The following SMURF1 variants were observed in gnomAD, a reference collection of about 807,000 sequenced individuals.
SMURF1 encodes E3 ubiquitin-protein ligase SMURF1.
In SMURF1, 44 loss-of-function variants were observed where a neutral mutation model predicts 98.0. The ratio of observed to expected loss-of-function variants is 0.45; its 90% CI spans 0.35 to 0.58. SMURF1 has a LOEUF of 0.58. Among genes scored for constraint, SMURF1 ranks in the 20% least tolerant of loss-of-function variants. The pLI, the probability that SMURF1 is intolerant of heterozygous loss-of-function variation, is 0.00. For synonymous variants in SMURF1, 396 were observed against 374.9 expected (o/e 1.06, Z -0.65); for missense variants, 687 against 938.4 (o/e 0.73, Z 3.50).
intron 10 of SMURF1, 106 bp downstream of exon 10, chr7:99,047,578 G>T: frequency 8.5e-7 from 1 of 1,170,986 alleles, no homozygotes; most frequent in South Asian, 1.4e-5. Flanking sequence ...CCACAAAGCA[G>T]TTCATTTAAA....
intron 16 of SMURF1, among the ~76,000 whole-genome samples, chr7:99,035,100 C>T (rs550411825): frequency 5.4e-4 from 83 of 152,344 alleles, no homozygotes; most frequent in African/African-American, 1.7e-3. Flanking sequence ...CATCATCTTT[C>T]GGTGTGGTTG....
At chr7:99,057,130 G>T in intron 5 of SMURF1, 75 bp downstream of exon 5, 1 of 1,523,326 alleles carries the variant, frequency 6.6e-7, no homozygotes, top group Non-Finnish European at 9.1e-7. Flanking sequence ...GTGCCTGTAT[G>T]TGAGTTCTCG....
intron 3 of SMURF1, 119 bp downstream of exon 3, chr7:99,060,480 C>T (rs1003172073): frequency 1.7e-6 from 1 of 582,736 alleles, no homozygotes; most frequent in Non-Finnish European, 2.9e-6. Flanking sequence ...TTTGGCCATC[C>T]GCTTTTGTTA....
intron 1 of SMURF1, among the ~76,000 whole-genome samples, chr7:99,083,181 A>ACT (rs1316037738): frequency 2.0e-5 from 3 of 152,150 alleles, no homozygotes; most frequent in African/African-American, 7.2e-5. Flanking sequence ...AAAACCACAG[A>ACT]ATGGTACATT....
intron 1 of SMURF1, among the ~76,000 whole-genome samples, chr7:99,123,761 G>A (rs1797692342): frequency 6.6e-6 from 1 of 152,020 alleles, no homozygotes; most frequent in Admixed American, 6.6e-5. Context: ...TTAATCTAGA[G>A]ACAAAAAGGA....
intron 1 of SMURF1, among the ~76,000 whole-genome samples, chr7:99,076,033 T>A (rs1207007949): frequency 6.6e-6 from 1 of 152,232 alleles, no homozygotes; most frequent in Non-Finnish European, 1.5e-5. Flanking sequence ...CCCAGTCACC[T>A]TCTTCATGTG....
chr7:99,108,347 C>T (rs1288062289), intron 1 of SMURF1, among the ~76,000 whole-genome samples: 1 of 151,596 alleles, frequency 6.6e-6, no homozygotes, highest in African/African-American at 2.4e-5. Context: ...TGGTGGCTCA[C>T]GCTTGTAATC....
chr7:99,100,383 C>T (rs1395248543), intron 1 of SMURF1, among the ~76,000 whole-genome samples: 1 of 152,052 alleles, frequency 6.6e-6, no homozygotes, highest in Admixed American at 6.5e-5. Context: ...GGTGAAACCC[C>T]GTCTCTATTA....
intron 13 of SMURF1, among the ~76,000 whole-genome samples, chr7:99,039,093 T>TGAGGCAG (rs1795267356): frequency 1.4e-5 from 2 of 146,870 alleles, no homozygotes; most frequent in Non-Finnish European, 3.0e-5. Flanking sequence ...CTCAGGAAGC[T>TGAGGCAG]GAGGCAGGAG....
chr7:99,100,631 T>C (rs1304126558), intron 1 of SMURF1, among the ~76,000 whole-genome samples: 2 of 152,184 alleles, frequency 1.3e-5, no homozygotes, highest in Non-Finnish European at 2.9e-5. Flanking sequence ...GAAATATATA[T>C]CCAGCTTTCC....
intron 1 of SMURF1, among the ~76,000 whole-genome samples, chr7:99,079,486 TGAAA>T (rs1019414463): frequency 8.5e-5 from 13 of 152,200 alleles, no homozygotes; most frequent in Admixed American, 3.3e-4. Flanking sequence ...AGTCACCTCA[TGAAA>T]GAAAGAAAGA....
chr7:99,073,656 C>T (rs1796386549), intron 1 of SMURF1, among the ~76,000 whole-genome samples: 1 of 151,752 alleles, frequency 6.6e-6, no homozygotes, highest in Non-Finnish European at 1.5e-5. Flanking sequence ...ATCCCAGCTA[C>T]TTGGGAGGCT....
chr7:99,052,039 TC>T (rs1002475241), intron 7 of SMURF1, among the ~76,000 whole-genome samples, 165 bp downstream of exon 7: 7 of 151,892 alleles, frequency 4.6e-5, no homozygotes, highest in African/African-American at 1.7e-4. Flanking sequence ...GCCCAGCTAC[TC>T]GCGAGGATCG....
chr7:99,045,775 C>T lies in SMURF1; in HGVS notation c.1179G>A (p.Met393Ile), dbSNP rs778907175. The T allele has an allele frequency of 1.1e-5, 17 of 1,614,150 alleles. No homozygotes were observed. The highest frequency in any genetic ancestry group is 1.4e-5 in the Non-Finnish European group (17 of 1,179,966). ...FEESYRQIMK[M>I]RPKDLKKRLM... ...GCCGTTTTTTCAAGTCTTTCGGTCG[C>T]ATCTTCATTATCTGGCGGTAAGACT... Residue 393 changes from methionine to isoleucine, a missense_variant, in exon 11 of 18, where the codon ATG (methionine) becomes ATA (isoleucine). This residue lies in a region of SMURF1 where 415 missense variants were observed against 508.4 expected (regional missense o/e 0.82). Coordinates refer to ENST00000361368, the MANE Select transcript of SMURF1 (RefSeq NM_181349.3).
At chr7:99,117,405 A>G (rs1432354135) in intron 1 of SMURF1, among the ~76,000 whole-genome samples, 1 of 152,044 alleles carries the variant, frequency 6.6e-6, no homozygotes, top group Non-Finnish European at 1.5e-5. Context: ...CTTCAGTACG[A>G]TAGCATGATC....
At chr7:99,059,022 T>C (rs1254264599) in intron 3 of SMURF1, among the ~76,000 whole-genome samples, 1 of 152,104 alleles carries the variant, frequency 6.6e-6, no homozygotes, top group African/African-American at 2.4e-5. Flanking sequence ...AGGAGGAGGT[T>C]GCGGTGAGCC....
At chr7:99,090,308 TCAAA>T (rs982794499) in intron 1 of SMURF1, among the ~76,000 whole-genome samples, 14 of 152,246 alleles carry the variant, frequency 9.2e-5, no homozygotes, top group African/African-American at 2.6e-4. Flanking sequence ...TTGACCATGA[TCAAA>T]CAATCAAGGA....
At chr7:99,075,490 C>T (rs942847514) in intron 1 of SMURF1, among the ~76,000 whole-genome samples, 7 of 152,190 alleles carry the variant, frequency 4.6e-5, no homozygotes, top group African/African-American at 1.4e-4. Flanking sequence ...CTTTGATTTG[C>T]AACTCATGGA....
At chr7:99,104,097 G>C (rs1050215118) in intron 1 of SMURF1, among the ~76,000 whole-genome samples, 2 of 152,104 alleles carry the variant, frequency 1.3e-5, no homozygotes, top group African/African-American at 4.8e-5. Context: ...ATGTTGGCCA[G>C]GCTGGTCTAG....
Sources: gnomAD v4.1 joint callset for allele counts (sites outside exome capture counted in the v4.1 genomes callset) on GRCh38, gnomAD v4.1.1 for gene constraint, gnomAD v4.1.1 regional missense constraint, MANE v1.5 for transcripts, NCBI Gene and HGNC (gene_info 2026-07-23, HGNC 2026-07-21) for gene names.